The following CDK6 variants were observed in gnomAD, a reference collection of about 807,000 sequenced individuals.
CDK6 encodes cyclin-dependent kinase 6.
CDK6 carries 6 observed loss-of-function variants against 37.1 expected under a neutral mutation model. The observed-to-expected ratio is 0.16, with a 90% CI of 0.09 to 0.32. The LOEUF (loss-of-function observed/expected upper bound fraction) is 0.32. CDK6 is among the 10% of genes least tolerant of loss of function. CDK6 has a pLI of 1.00. For synonymous variants in CDK6, 160 were observed against 161.3 expected, an observed-to-expected ratio of 0.99 and a Z score of 0.06; for missense variants, 224 against 418.9, an observed-to-expected ratio of 0.53 and a Z score of 4.06.
chr7:92,743,443 C>T (rs1315587549), intron 3 of CDK6, among the ~76,000 whole-genome samples: 1 of 150,626 alleles, frequency 6.6e-6, no homozygotes, highest in Admixed American at 6.6e-5. Context: ...ACTCCAGCAA[C>T]TCAATTAGAA....
intron 4 of CDK6, among the ~76,000 whole-genome samples, chr7:92,688,578 AC>A (rs2116636655): frequency 8.2e-6 from 1 of 122,040 alleles, no homozygotes; most frequent in Non-Finnish European, 1.7e-5. Flanking sequence ...GACTACATAT[AC>A]ATCACACACA....
At chr7:92,794,939 C>T (rs115317358) in intron 2 of CDK6, among the ~76,000 whole-genome samples, 1 of 152,104 alleles carries the variant, frequency 6.6e-6, no homozygotes, top group African/African-American at 2.4e-5. Flanking sequence ...AAGATAATTC[C>T]AAAAGAGTCT....
intron 4 of CDK6, among the ~76,000 whole-genome samples, chr7:92,685,874 T>TACA (rs1248190052): frequency 6.6e-6 from 1 of 152,232 alleles, no homozygotes; most frequent in Non-Finnish European, 1.5e-5. Flanking sequence ...CCCTGTCCCT[T>TACA]ACATGGACGT....
At chr7:92,626,207 T>TA in intron 5 of CDK6, among the ~76,000 whole-genome samples, 1 of 152,114 alleles carries the variant, frequency 6.6e-6, no homozygotes, top group East Asian at 1.9e-4. Flanking sequence ...TGGGAAATAC[T>TA]AAAAAATACA....
chr7:92,613,407 A>G lies in CDK6; in HGVS notation c.*1733T>C, dbSNP rs1417654386. 1 of 233,638 alleles carries G rather than the reference A, an allele frequency of 4.3e-6. No homozygotes were observed. Among genetic ancestry groups the G allele is most frequent in the Non-Finnish European group, 8.5e-6 (1 of 118,060 alleles). 14.5% of individuals were successfully genotyped at this position (233,638 alleles called of 1,614,324 possible). ...CTGTTGCATGCACTCTGAGTCAGAA[A>G]GCACAGGTGGCTAAACTTTCCAAAA... On this transcript the variant is annotated 3_prime_UTR_variant, in exon 8 of 8. Coordinates refer to ENST00000424848, the MANE Select transcript of CDK6 (RefSeq NM_001145306.2).
intron 4 of CDK6, among the ~76,000 whole-genome samples, chr7:92,722,726 T>A (rs938150909): frequency 5.9e-5 from 9 of 152,236 alleles, no homozygotes; most frequent in African/African-American, 2.2e-4. Flanking sequence ...ACTGCTTATA[T>A]CTGCAAGTCA....
chr7:92,779,301 G>T (rs1449001161), intron 2 of CDK6, among the ~76,000 whole-genome samples: 1 of 152,116 alleles, frequency 6.6e-6, no homozygotes, highest in Non-Finnish European at 1.5e-5. Flanking sequence ...GCTCACTGAA[G>T]CCACTACTAA....
intron 5 of CDK6, among the ~76,000 whole-genome samples, chr7:92,667,175 G>T (rs2116594128): frequency 6.6e-6 from 1 of 152,122 alleles, no homozygotes; most frequent in East Asian, 1.9e-4. Flanking sequence ...ATAAAGAAAA[G>T]ATTTTGTATA....
chr7:92,697,686 G>A (rs1013371211), intron 4 of CDK6, among the ~76,000 whole-genome samples: 4 of 152,092 alleles, frequency 2.6e-5, no homozygotes, highest in Non-Finnish European at 5.9e-5. Context: ...GGTGTACATT[G>A]CAATTACTAT....
intron 5 of CDK6, among the ~76,000 whole-genome samples, chr7:92,636,967 G>A (rs949193290): frequency 4.6e-5 from 7 of 152,152 alleles, no homozygotes; most frequent in African/African-American, 1.2e-4. Flanking sequence ...CGCCCAGCCC[G>A]ATTGTATTTT....
At chr7:92,706,581 C>T (rs1483948084) in intron 4 of CDK6, among the ~76,000 whole-genome samples, 1 of 152,156 alleles carries the variant, frequency 6.6e-6, no homozygotes, top group African/African-American at 2.4e-5. Flanking sequence ...AGAAGAAAAG[C>T]ACAACCATGA....
chr7:92,658,718 T>G (rs1796764323), intron 5 of CDK6, among the ~76,000 whole-genome samples: 1 of 152,196 alleles, frequency 6.6e-6, no homozygotes, highest in South Asian at 2.1e-4. Flanking sequence ...TAACATTAGG[T>G]GTTTTTACAA....
chr7:92,825,963 A>C (rs543573358), intron 2 of CDK6, among the ~76,000 whole-genome samples: 29 of 152,264 alleles, frequency 1.9e-4, no homozygotes, highest in African/African-American at 6.5e-4. Flanking sequence ...CAAAAATGAA[A>C]CTTCCTTTTT....
At chr7:92,807,362 T>C (rs1053025225) in intron 2 of CDK6, among the ~76,000 whole-genome samples, 12 of 152,026 alleles carry the variant, frequency 7.9e-5, no homozygotes, top group Admixed American at 5.2e-4. Flanking sequence ...GATTTCTGTA[T>C]CTATATCTAG....
chr7:92,730,461 G>T (rs993624741), intron 3 of CDK6, among the ~76,000 whole-genome samples: 1 of 152,112 alleles, frequency 6.6e-6, no homozygotes, highest in Non-Finnish European at 1.5e-5. Context: ...TTGAATTAAG[G>T]TGAGGGTTAC....
intron 2 of CDK6, among the ~76,000 whole-genome samples, chr7:92,830,610 A>G (rs1801452084): frequency 6.6e-6 from 1 of 152,180 alleles, no homozygotes; most frequent in South Asian, 2.1e-4. Context: ...ACCCTGTCTG[A>G]GCAAATATTC....
chr7:92,834,708 C>T lies in CDK6; in HGVS notation c.-367-1018G>A, dbSNP rs36227864. On this transcript the variant is annotated intron_variant, in intron 1 of 7. Coordinates refer to ENST00000424848, the MANE Select transcript of CDK6 (RefSeq NM_001145306.2). This position sits in a 1 kb window ranked among gnomAD's most constrained non-coding sequence, Gnocchi z 4.6. ...GGGTGGGGGGTTAAATCCTGCGCCT[C>T]CAGGGGTGAGAGAGAAGGTCTCTGT... 3.7e-4 allele frequency among the ~76,000 whole-genome samples: 56 copies of T among 152,024 alleles called. 1 individual carries two copies. The highest frequency in any genetic ancestry group is 1.3e-3 in the African/African-American group (53 of 41,490).
At chr7:92,701,328 G>A (rs1746369247) in intron 4 of CDK6, among the ~76,000 whole-genome samples, 1 of 152,114 alleles carries the variant, frequency 6.6e-6, no homozygotes, top group Non-Finnish European at 1.5e-5. Flanking sequence ...ACATTCAAAG[G>A]TTTATTCACT....
intron 2 of CDK6, among the ~76,000 whole-genome samples, chr7:92,828,150 T>C (rs1479561025): frequency 1.3e-5 from 2 of 152,066 alleles, no homozygotes; most frequent in Non-Finnish European, 2.9e-5. Context: ...TAAATTATTA[T>C]AATTAATTTA....
Sources: allele counts gnomAD v4.1 joint callset (sites outside exome capture counted in the v4.1 genomes callset), GRCh38; gene constraint gnomAD v4.1.1; non-coding constraint Gnocchi (gnomAD v3.1); transcripts MANE v1.5; gene names NCBI Gene and HGNC (gene_info 2026-07-23, HGNC 2026-07-21).